Variants in MECR observed in about 807,000 individuals in gnomAD.
MECR encodes the protein enoyl-[acyl-carrier-protein] reductase, mitochondrial.
A neutral mutation model predicts 49.1 loss-of-function variants in MECR; 37 were observed. The observed-to-expected ratio is 0.75, with a 90% CI of 0.58 to 0.99. MECR has a LOEUF of 0.99. MECR is among the 50% of genes least tolerant of loss of function. MECR has a pLI of 0.00. For missense variants in MECR, 470 were observed against 479.6 expected, an observed-to-expected ratio of 0.98 and a Z score of 0.19; for synonymous variants, 198 against 191.1, an observed-to-expected ratio of 1.04 and a Z score of -0.30.
chr1:29,225,507 C>T lies in MECR; in HGVS notation c.176+5224G>A, dbSNP rs545021001. Among the ~76,000 whole-genome samples the T allele has an allele frequency of 2.6e-5, 4 of 152,118 alleles. No homozygotes were observed. In the South Asian group the frequency reaches 6.2e-4, roughly 24 times the overall value. ...CAGCATTTACCCCACTGGACTATGG[C>T]GGCCTTTCTCCTGGATTAGGCTGTG... On this transcript the variant is annotated intron_variant, in intron 1 of 9. Transcript: ENST00000263702.
chr1:29,198,244 G>A (rs1398369260), intron 7 of MECR, among the ~76,000 whole-genome samples: 1 of 152,184 alleles, frequency 6.6e-6, no homozygotes, highest in Non-Finnish European at 1.5e-5. Flanking sequence ...AACAGGCCAC[G>A]AACTGGTACT....
chr1:29,170,428 A>T, the MECR span: 4 of 152,184 alleles, frequency 2.6e-5, no homozygotes, highest in Non-Finnish European at 5.9e-5. Context: ...CTTACCTCTT[A>T]AACAACACAA....
At chr1:29,217,127 C>CAAAAAAAAAAAAA in intron 1 of MECR, among the ~76,000 whole-genome samples, 1 of 47,264 alleles carries the variant, frequency 2.1e-5, no homozygotes, top group Non-Finnish European at 3.5e-5. Context: ...GACTTTGTCT[C>CAAAAAAAAAAAAA]AAAAAAAAAA....
chr1:29,205,439 C>A (rs1676338605), intron 4 of MECR, among the ~76,000 whole-genome samples: 2 of 151,784 alleles, frequency 1.3e-5, no homozygotes, highest in African/African-American at 4.8e-5. Context: ...CAGCTTCAGC[C>A]TCCCAAAGTG....
At chr1:29,227,117 C>CAG (rs1452490315) in intron 1 of MECR, among the ~76,000 whole-genome samples, 3 of 152,086 alleles carry the variant, frequency 2.0e-5, no homozygotes, top group Non-Finnish European at 4.4e-5. Flanking sequence ...GCATGCACCA[C>CAG]TGTGCCCGAC....
chr1:29,177,892 G>GAT, the MECR span, among the ~76,000 whole-genome samples: 1 of 121,556 alleles, frequency 8.2e-6, no homozygotes, highest in African/African-American at 3.3e-5. Context: ...TATTACACAA[G>GAT]ATTTTTTTTT....
At chr1:29,175,009 A>G in the MECR span, among the ~76,000 whole-genome samples, 1 of 151,000 alleles carries the variant, frequency 6.6e-6, no homozygotes, top group Non-Finnish European at 1.5e-5. Flanking sequence ...AAAGAAAAGA[A>G]GAGAGACAGA....
intron 7 of MECR, among the ~76,000 whole-genome samples, chr1:29,196,851 A>T (rs1438312226): frequency 1.3e-5 from 2 of 150,738 alleles, no homozygotes; most frequent in Non-Finnish European, 3.0e-5. Flanking sequence ...AAATAATAAT[A>T]AAAAAAAATT....
the MECR span, among the ~76,000 whole-genome samples, chr1:29,187,116 T>C: frequency 6.6e-6 from 1 of 152,224 alleles, no homozygotes; most frequent in Non-Finnish European, 1.5e-5. Context: ...AGTGCTTTAC[T>C]CAGGGCATGG....
chr1:29,184,689 G>A, the MECR span, among the ~76,000 whole-genome samples: 3 of 152,122 alleles, frequency 2.0e-5, no homozygotes, highest in Admixed American at 2.0e-4. Context: ...AGGTGGCAGA[G>A]GTTGCAGTGA....
chr1:29,168,247 T>TC, the MECR span, among the ~76,000 whole-genome samples: 558 of 149,098 alleles, frequency 3.7e-3, 2 homozygotes, highest in South Asian at 6.8e-3. Context: ...CCCAGGGTGG[T>TC]CTCGAACTCC....
intron 3 of MECR, among the ~76,000 whole-genome samples, chr1:29,212,117 CT>C (rs1678157844): frequency 6.6e-6 from 1 of 152,216 alleles, no homozygotes; most frequent in African/African-American, 2.4e-5. Context: ...TGGCACCTTG[CT>C]TAAAAGACTC....
chr1:29,175,724 T>A, the MECR span, among the ~76,000 whole-genome samples: 358 of 91,106 alleles, frequency 3.9e-3, 2 homozygotes, highest in Middle Eastern at 0.021. Context: ...AAAAAAAAAA[T>A]TTCCAATTAT....
intron 1 of MECR, among the ~76,000 whole-genome samples, chr1:29,227,087 C>A (rs1682281033): frequency 6.6e-6 from 1 of 151,788 alleles, no homozygotes; most frequent in Non-Finnish European, 1.5e-5. Flanking sequence ...CCTCGGTCTC[C>A]CGAGTAGCTA....
chr1:29,198,025 G>A (rs1330709425), intron 7 of MECR, among the ~76,000 whole-genome samples: 2 of 152,166 alleles, frequency 1.3e-5, no homozygotes, highest in African/African-American at 2.4e-5. Flanking sequence ...TGGGGGAGAT[G>A]GTTTTGGGAT....
chr1:29,212,946 A>G (rs1409336268), intron 3 of MECR, among the ~76,000 whole-genome samples: 2 of 152,066 alleles, frequency 1.3e-5, no homozygotes, highest in Non-Finnish European at 2.9e-5. Flanking sequence ...ACGTTCACAC[A>G]CGCTGCACTC....
chr1:29,219,818 G>A (rs556213356), intron 1 of MECR, among the ~76,000 whole-genome samples: 5 of 152,292 alleles, frequency 3.3e-5, no homozygotes, highest in East Asian at 1.9e-4. Context: ...TCGTTAGATC[G>A]TTTCCTTCAA....
At chr1:29,190,165 G>A (rs957385002), downstream of MECR, among the ~76,000 whole-genome samples, 3 of 151,824 alleles carry the variant, frequency 2.0e-5, no homozygotes, top group East Asian at 2.0e-4. Flanking sequence ...ACGAGGTCAG[G>A]AGATCGAGAT....
At chr1:29,176,298 G>C in the MECR span, among the ~76,000 whole-genome samples, 18 of 151,934 alleles carry the variant, frequency 1.2e-4, no homozygotes, top group East Asian at 3.9e-4. Context: ...ATAGGTGGTA[G>C]GGTTCCTAAA....
Sources: gnomAD v4.1 joint callset for allele counts (sites outside exome capture counted in the v4.1 genomes callset) on GRCh38, gnomAD v4.1.1 for gene constraint, MANE v1.5 for transcripts, NCBI Gene and HGNC (gene_info 2026-07-23, HGNC 2026-07-21) for gene names.